SYT2: variants seen among roughly 807,000 people sequenced by gnomAD.
The protein encoded by SYT2 is synaptotagmin 2.
In SYT2, 15 loss-of-function variants were observed where a neutral mutation model predicts 39.9. The ratio of observed to expected loss-of-function variants is 0.38; its 90% CI spans 0.25 to 0.58. The LOEUF (loss-of-function observed/expected upper bound fraction) is 0.58, where lower values mean the gene tolerates loss of function less well. Among genes scored for constraint, SYT2 ranks in the 20% least tolerant of loss-of-function variants. The pLI, the probability that SYT2 is intolerant of heterozygous loss-of-function variation, is 0.70. For missense variants in SYT2, 389 were observed against 530.3 expected, an observed-to-expected ratio of 0.73 and a Z score of 2.62; for synonymous variants, 181 against 204.5, an observed-to-expected ratio of 0.89 and a Z score of 0.98.
At chr1:202,692,680 C>T (rs1653867302) in intron 1 of SYT2, among the ~76,000 whole-genome samples, 1 of 152,208 alleles carries the variant, frequency 6.6e-6, no homozygotes, top group Non-Finnish European at 1.5e-5. Flanking sequence ...GAGGAGGTGG[C>T]TTGGCTAAGA....
Position 202,629,878 on chromosome 1 carries a change from G to T in SYT2, c.-17-24089C>A, listed in dbSNP as rs186918860. 1.3e-4 allele frequency among the ~76,000 whole-genome samples: 15 copies of T among 119,390 alleles called. 2 individuals are homozygous for T. The highest frequency in any genetic ancestry group is 1.7e-4 in the Admixed American group (2 of 11,918). 78.3% of individuals were successfully genotyped at this position (119,390 alleles called of 152,430 possible). A position where few individuals can be genotyped will look rare whatever the true frequency, so the allele number is the denominator to read the frequency against. ...CAGCAGGCAGCTGGTGGGGGGGGGGGGGTGGTACGGCAGGTGTGTTGCTCA... is the reference window on the plus strand; with the variant it reads ...CAGCAGGCAGCTGGTGGGGGGGGGGTGGTGGTACGGCAGGTGTGTTGCTCA... On this transcript the variant is annotated intron_variant, in intron 1 of 8. Coordinates refer to ENST00000367268, the MANE Select transcript of SYT2 (RefSeq NM_177402.5).
chr1:202,610,653 A>G (rs1395805831), intron 1 of SYT2, among the ~76,000 whole-genome samples: 2 of 152,238 alleles, frequency 1.3e-5, no homozygotes, highest in African/African-American at 4.8e-5. Flanking sequence ...ATGTGCAAAA[A>G]TCACAAGCAT....
At chr1:202,674,954 C>G (rs1653325766) in intron 1 of SYT2, among the ~76,000 whole-genome samples, 1 of 152,192 alleles carries the variant, frequency 6.6e-6, no homozygotes, top group Non-Finnish European at 1.5e-5. Context: ...CACTTACTAC[C>G]ATCTGAAGTT....
intron 1 of SYT2, among the ~76,000 whole-genome samples, chr1:202,664,336 C>A (rs1299113543): frequency 2.0e-5 from 3 of 152,168 alleles, no homozygotes. Context: ...CAACAAGGCC[C>A]CAGTCTCCAT....
intron 1 of SYT2, among the ~76,000 whole-genome samples, chr1:202,629,983 G>A (rs898198027): frequency 1.1e-4 from 17 of 151,240 alleles, no homozygotes; most frequent in Non-Finnish European, 1.6e-4. Context: ...CCAGAGATGG[G>A]CTTCTAGAAA....
Position 202,609,087 on chromosome 1 carries a change from C to G in SYT2, c.-17-3298G>C, listed in dbSNP as rs889730265. 8.8e-5 allele frequency among the ~76,000 whole-genome samples: 12 copies of G among 135,704 alleles called. No individual in the cohort carries two copies. In the Admixed American group the frequency reaches 9.4e-4, roughly 11 times the overall value. 89.0% of individuals were successfully genotyped at this position (135,704 alleles called of 152,430 possible). On this transcript the variant is annotated intron_variant, in intron 1 of 8. Coordinates refer to ENST00000367268, the MANE Select transcript of SYT2 (RefSeq NM_177402.5). ...GTTCCCCTTCCTGTGTCCATGTGTT[C>G]TCATTGTTCAATTCCCACCTATGAG...
At chr1:202,653,035 G>C (rs1161200202) in intron 1 of SYT2, among the ~76,000 whole-genome samples, 1 of 137,528 alleles carries the variant, frequency 7.3e-6, no homozygotes, top group African/African-American at 2.7e-5. Flanking sequence ...CCCATGGAAA[G>C]AATGCCCCTC....
At chr1:202,617,905 T>TTTG (rs529619754) in intron 1 of SYT2, among the ~76,000 whole-genome samples, 70 of 152,208 alleles carry the variant, frequency 4.6e-4, no homozygotes, top group African/African-American at 1.3e-3. Flanking sequence ...TTACGCATTT[T>TTTG]TTGTTGTTGT....
chr1:202,704,660 G>A (rs924220351), intron 1 of SYT2, among the ~76,000 whole-genome samples: 4 of 151,926 alleles, frequency 2.6e-5, no homozygotes, highest in Non-Finnish European at 4.4e-5. Context: ...CTAGGACCCT[G>A]AATACACACA....
At chr1:202,674,638 T>G (rs1653299454) in intron 1 of SYT2, among the ~76,000 whole-genome samples, 1 of 152,178 alleles carries the variant, frequency 6.6e-6, no homozygotes, top group African/African-American at 2.4e-5. Flanking sequence ...AGCCTAAGGA[T>G]TCTTTTCAAA....
chr1:202,617,137 G>T (rs1321574737), intron 1 of SYT2, among the ~76,000 whole-genome samples: 37 of 152,248 alleles, frequency 2.4e-4, no homozygotes, highest in African/African-American at 8.9e-4. Flanking sequence ...TCCTTCTTTT[G>T]TTTCCCCTAA....
Position 202,593,790 on chromosome 1 carries a change from G to T in SYT2, c.*2967C>A, listed in dbSNP as rs1476141462. The T allele has an allele frequency of 3.3e-5, 5 of 152,068 alleles. No individual in the cohort carries two copies. The highest frequency in any genetic ancestry group is 3.3e-4 in the Admixed American group (5 of 15,274). 9.4% of individuals were successfully genotyped at this position (152,068 alleles called of 1,614,324 possible). On this transcript the variant is annotated 3_prime_UTR_variant, in exon 9 of 9. Coordinates refer to ENST00000367268, the MANE Select transcript of SYT2 (RefSeq NM_177402.5). Reference sequence around the variant, plus strand: ...TGGATGGGATTAGGCTTGTTTTCATGGTCTCAGCTTCTCTAAAAATCACCT... The same window carrying T: ...TGGATGGGATTAGGCTTGTTTTCATTGTCTCAGCTTCTCTAAAAATCACCT...
At chr1:202,684,900 A>C (rs1653622813) in intron 1 of SYT2, among the ~76,000 whole-genome samples, 1 of 152,160 alleles carries the variant, frequency 6.6e-6, no homozygotes, top group Non-Finnish European at 1.5e-5. Context: ...CTGGCACCTG[A>C]TGCCCTCCAG....
Position 202,668,558 on chromosome 1 carries a change from T to C in SYT2, c.-18+41700A>G, listed in dbSNP as rs552037129. 6.6e-5 allele frequency among the ~76,000 whole-genome samples: 10 copies of C among 152,326 alleles called. No homozygotes were observed. The South Asian group carries it at 2.1e-3, about 32-fold the overall frequency. ...CCTTTATTTGGGGAAGAGAACATAA[T>C]GACAACATTCATTTATCAAGTGCTT... On this transcript the variant is annotated intron_variant, in intron 1 of 8. Coordinates refer to ENST00000367268, the MANE Select transcript of SYT2 (RefSeq NM_177402.5).
chr1:202,638,828 T>G (rs183178067), intron 1 of SYT2, among the ~76,000 whole-genome samples: 1 of 152,310 alleles, frequency 6.6e-6, no homozygotes, highest in African/African-American at 2.4e-5. Context: ...ATTGACTTTC[T>G]TTCACTCAGC....
chr1:202,643,852 G>A (rs1161900844), intron 1 of SYT2, among the ~76,000 whole-genome samples: 3 of 152,160 alleles, frequency 2.0e-5, no homozygotes, highest in African/African-American at 7.2e-5. Flanking sequence ...CCAGCTCCGT[G>A]CACTCCTGCA....
Position 202,614,591 on chromosome 1 carries a change from A to G in SYT2, c.-17-8802T>C, listed in dbSNP as rs1558430812. On this transcript the variant is annotated intron_variant, in intron 1 of 8. Transcript: ENST00000367268. This position sits in a 1 kb window ranked among gnomAD's most constrained non-coding sequence, Gnocchi z 4.0. ...ATGAGAAGTGCAAGAAAGGAGAGCC[A>G]TCTGGTGGTGGTGAGCATTTATAAT... is the stretch of plus-strand genomic sequence containing the variant. Among the ~76,000 whole-genome samples, 1 of 152,258 alleles carries G rather than the reference A, an allele frequency of 6.6e-6. No individual in the cohort carries two copies. The highest frequency in any genetic ancestry group is 2.4e-5 in the African/African-American group (1 of 41,476).
At chr1:202,634,865 C>G (rs1270001706) in intron 1 of SYT2, among the ~76,000 whole-genome samples, 2 of 152,068 alleles carry the variant, frequency 1.3e-5, no homozygotes, top group Non-Finnish European at 2.9e-5. Flanking sequence ...GATTAGTTGG[C>G]TAAGGCTGGG....
chr1:202,628,352 G>C lies in SYT2; in HGVS notation c.-17-22563C>G, dbSNP rs762304234. Among the ~76,000 whole-genome samples the C allele has an allele frequency of 5.9e-5, 9 of 152,166 alleles. No individual in the cohort carries two copies. The highest frequency in any genetic ancestry group is 1.3e-4 in the Non-Finnish European group (9 of 68,024). On this transcript the variant is annotated intron_variant, in intron 1 of 8. Coordinates refer to ENST00000367268, the MANE Select transcript of SYT2 (RefSeq NM_177402.5). The surrounding 1 kb of genome is among the most constrained non-coding windows in gnomAD (Gnocchi z 4.2). ...GGTCATGAGATGTCTGGGGAGCCCA[G>C]CCTGCTCTCAGTGGGAGCTGGGAGC...
Sources: gnomAD v4.1 joint callset for allele counts (sites outside exome capture counted in the v4.1 genomes callset) on GRCh38, gnomAD v4.1.1 for gene constraint, Gnocchi (gnomAD v3.1) non-coding constraint, MANE v1.5 for transcripts, NCBI Gene and HGNC (gene_info 2026-07-23, HGNC 2026-07-21) for gene names.